AFG2A: variants seen among roughly 807,000 people sequenced by gnomAD.
AFG2A encodes ATPase family gene 2 protein homolog A.
chr4:123,317,059 A>T, the AFG2A span: 1 of 152,140 alleles, frequency 6.6e-6, no homozygotes, highest in African/African-American at 2.4e-5. Context: ...CCCCGTCTCT[A>T]CTAAAAATTC....
the AFG2A span, among the ~76,000 whole-genome samples, chr4:123,109,400 G>A: frequency 6.6e-6 from 1 of 152,118 alleles, no homozygotes; most frequent in Admixed American, 6.5e-5. Flanking sequence ...CAATGGGAGA[G>A]TTGAATAGTG....
At chr4:123,168,112 C>T in the AFG2A span, among the ~76,000 whole-genome samples, 343 of 152,252 alleles carry the variant, frequency 2.3e-3, 1 homozygote, top group African/African-American at 7.9e-3. Context: ...GCAACTGAAG[C>T]TGATTTTTAT....
the AFG2A span, among the ~76,000 whole-genome samples, chr4:123,225,571 T>A: frequency 1.3e-5 from 2 of 152,196 alleles, no homozygotes; most frequent in Non-Finnish European, 2.9e-5. Flanking sequence ...TTGGTCTATA[T>A]CTCTGTTTTG....
chr4:123,056,288 T>C, the AFG2A span: 3 of 1,136,924 alleles, frequency 2.6e-6, no homozygotes, highest in South Asian at 1.8e-5. Context: ...GCAGATTTTG[T>C]TTATTTTCTC....
At chr4:122,960,490 G>C in the AFG2A span, among the ~76,000 whole-genome samples, 4 of 152,248 alleles carry the variant, frequency 2.6e-5, no homozygotes, top group South Asian at 4.1e-4. Flanking sequence ...ATTTCTTCAA[G>C]AAGTGGACTT....
chr4:123,308,122 A>G, the AFG2A span, among the ~76,000 whole-genome samples: 2 of 152,216 alleles, frequency 1.3e-5, no homozygotes, highest in African/African-American at 2.4e-5. Context: ...CCTGTGGGAT[A>G]CATTTTGATA....
the AFG2A span, among the ~76,000 whole-genome samples, chr4:122,940,535 C>A: frequency 1.3e-5 from 2 of 152,058 alleles, no homozygotes; most frequent in African/African-American, 4.8e-5. Flanking sequence ...GATATTAGCC[C>A]TTTGTCAGAT....
At chr4:123,202,138 G>T in the AFG2A span, among the ~76,000 whole-genome samples, 1 of 152,140 alleles carries the variant, frequency 6.6e-6, no homozygotes, top group Non-Finnish European at 1.5e-5. Flanking sequence ...TGTCTTAGTG[G>T]TTTATGCTGG....
the AFG2A span, among the ~76,000 whole-genome samples, chr4:123,226,399 T>G: frequency 0.024 from 3,722 of 152,234 alleles, 169 homozygotes; most frequent in African/African-American, 0.083. Context: ...AATACCTAAT[T>G]TATTGAGAGT....
At chr4:123,154,259 T>C in the AFG2A span, among the ~76,000 whole-genome samples, 150 of 152,270 alleles carry the variant, frequency 9.9e-4, 1 homozygote, top group Non-Finnish European at 1.6e-3. Context: ...TATTTAAAGA[T>C]ACTTTACTGT....
chr4:123,240,123 G>T, the AFG2A span, among the ~76,000 whole-genome samples: 2 of 152,136 alleles, frequency 1.3e-5, no homozygotes, highest in African/African-American at 4.8e-5. Flanking sequence ...AACAAGAAGA[G>T]CTAACTATCC....
At chr4:123,258,725 A>C in the AFG2A span, among the ~76,000 whole-genome samples, 194 of 152,256 alleles carry the variant, frequency 1.3e-3, no homozygotes, top group Middle Eastern at 3.4e-3. Flanking sequence ...GAATTTGGGC[A>C]GGAAAGCCAG....
chr4:123,028,222 A>G, the AFG2A span: 1 of 1,614,132 alleles, frequency 6.2e-7, no homozygotes, highest in Non-Finnish European at 8.5e-7. Flanking sequence ...GGAAAGTATC[A>G]AACTGAAGTT....
chr4:123,108,083 C>T, the AFG2A span, among the ~76,000 whole-genome samples: 10 of 152,236 alleles, frequency 6.6e-5, no homozygotes, highest in African/African-American at 2.2e-4. Flanking sequence ...GCAGCCTTGA[C>T]GGCTTGGCAG....
chr4:123,293,562 A>G, the AFG2A span, among the ~76,000 whole-genome samples: 4 of 152,134 alleles, frequency 2.6e-5, no homozygotes, highest in Non-Finnish European at 4.4e-5. Context: ...GAATGTCTAC[A>G]AGGGATCCAG....
the AFG2A span, among the ~76,000 whole-genome samples, chr4:123,028,895 G>T: frequency 2.0e-5 from 3 of 152,046 alleles, no homozygotes; most frequent in East Asian, 5.8e-4. Flanking sequence ...TCATTGCTTC[G>T]CCCCGATTAA....
At chr4:123,313,745 TG>T in the AFG2A span, 1 of 682,190 alleles carries the variant, frequency 1.5e-6, no homozygotes, top group Non-Finnish European at 2.2e-6. Flanking sequence ...AAAACTTGAG[TG>T]GACTAATTCT....
At chr4:123,287,469 A>G in the AFG2A span, among the ~76,000 whole-genome samples, 1 of 152,192 alleles carries the variant, frequency 6.6e-6, no homozygotes, top group Non-Finnish European at 1.5e-5. Context: ...GTAAAGTTAA[A>G]TGTGACACCT....
chr4:123,197,983 G>T, the AFG2A span, among the ~76,000 whole-genome samples: 2 of 151,384 alleles, frequency 1.3e-5, no homozygotes, highest in African/African-American at 2.4e-5. Flanking sequence ...GAGCATAAGA[G>T]AAACGAGCCG....
Sources: gnomAD v4.1 joint callset for allele counts (sites outside exome capture counted in the v4.1 genomes callset) on GRCh38, gnomAD v4.1.1 for gene constraint, MANE v1.5 for transcripts, NCBI Gene and HGNC (gene_info 2026-07-23, HGNC 2026-07-21) for gene names.